SLC24A2: variants seen among roughly 807,000 people sequenced by gnomAD.
SLC24A2 encodes the protein sodium/potassium/calcium exchanger 2.
SLC24A2 carries 36 observed loss-of-function variants against 62.0 expected under a neutral mutation model. That is an observed-to-expected ratio of 0.58 (90% CI 0.44 to 0.77). SLC24A2 has a LOEUF of 0.77. Ranked by LOEUF, SLC24A2 falls within the 30% of genes least tolerant of loss-of-function variation. The pLI, the probability that SLC24A2 is intolerant of heterozygous loss-of-function variation, is 0.00. For missense variants in SLC24A2, 846 were observed against 817.9 expected, an observed-to-expected ratio of 1.03 and a Z score of -0.42; for synonymous variants, 358 against 294.0, an observed-to-expected ratio of 1.22 and a Z score of -2.23.
the SLC24A2 span, among the ~76,000 whole-genome samples, chr9:20,080,578 T>A: frequency 1.4e-4 from 21 of 152,016 alleles, 1 homozygote; most frequent in African/African-American, 1.9e-4. Flanking sequence ...CAAGGACTTC[T>A]TGTCTAAAAC....
chr9:20,039,328 G>A, the SLC24A2 span, among the ~76,000 whole-genome samples: 14 of 152,038 alleles, frequency 9.2e-5, no homozygotes, highest in East Asian at 1.9e-4. Flanking sequence ...AGATGAAGAC[G>A]ACCTGGAAGC....
the SLC24A2 span, among the ~76,000 whole-genome samples, chr9:20,104,503 A>C: frequency 6.6e-6 from 1 of 152,254 alleles, no homozygotes; most frequent in African/African-American, 2.4e-5. Context: ...TGGATCTCTC[A>C]GCAGAAACGC....
chr9:19,873,536 C>CTCTTTCTT, the SLC24A2 span, among the ~76,000 whole-genome samples: 24 of 137,128 alleles, frequency 1.8e-4, 1 homozygote, highest in African/African-American at 6.1e-4. Context: ...TCCTTTCTTT[C>CTCTTTCTT]TCTTTCTTTC....
At chr9:19,796,006 C>T in the SLC24A2 span, among the ~76,000 whole-genome samples, 2 of 150,672 alleles carry the variant, frequency 1.3e-5, no homozygotes, top group African/African-American at 4.9e-5. Flanking sequence ...TCATTCTCAG[C>T]AAACTATCGT....
intron 2 of SLC24A2, among the ~76,000 whole-genome samples, chr9:19,668,329 G>C (rs939574874): frequency 1.3e-5 from 2 of 152,176 alleles, no homozygotes; most frequent in African/African-American, 2.4e-5. Context: ...AAGCAACAGA[G>C]TCAGGATTCA....
chr9:19,753,082 T>G (rs1175443369), intron 2 of SLC24A2, among the ~76,000 whole-genome samples: 1 of 152,206 alleles, frequency 6.6e-6, no homozygotes, highest in Non-Finnish European at 1.5e-5. Flanking sequence ...ATCCACATTT[T>G]ATCATATTCC....
At chr9:20,143,538 C>T in the SLC24A2 span, among the ~76,000 whole-genome samples, 1 of 152,156 alleles carries the variant, frequency 6.6e-6, no homozygotes, top group African/African-American at 2.4e-5. Flanking sequence ...AAACTATAAG[C>T]TTCCATTGGA....
At chr9:19,638,007 T>A (rs528807587) in intron 2 of SLC24A2, among the ~76,000 whole-genome samples, 86 of 152,374 alleles carry the variant, frequency 5.6e-4, no homozygotes, top group African/African-American at 1.9e-3. Flanking sequence ...AGCATTCAAA[T>A]TACTTGACTT....
the SLC24A2 span, among the ~76,000 whole-genome samples, chr9:20,125,601 G>A: frequency 6.6e-6 from 1 of 152,136 alleles, no homozygotes; most frequent in Non-Finnish European, 1.5e-5. Flanking sequence ...TAGGTAATGT[G>A]TCCCCTCATT....
intron 2 of SLC24A2, among the ~76,000 whole-genome samples, chr9:19,737,261 T>C (rs1162823284): frequency 2.6e-5 from 4 of 152,244 alleles, no homozygotes; most frequent in Non-Finnish European, 5.9e-5. Flanking sequence ...TGTCAAAATA[T>C]ATTTTCTTCT....
the SLC24A2 span, among the ~76,000 whole-genome samples, chr9:20,164,485 C>T: frequency 1.3e-5 from 2 of 151,712 alleles, no homozygotes; most frequent in Non-Finnish European, 1.5e-5. Flanking sequence ...CAGGAAACAA[C>T]AGGTGCTGGA....
chr9:20,025,588 C>T, the SLC24A2 span, among the ~76,000 whole-genome samples: 469 of 152,254 alleles, frequency 3.1e-3, 2 homozygotes, highest in African/African-American at 9.7e-3. Flanking sequence ...TCAGTTACCA[C>T]GTACCAGCTA....
the SLC24A2 span, among the ~76,000 whole-genome samples, chr9:19,857,444 A>C: frequency 1.3e-5 from 2 of 152,186 alleles, no homozygotes; most frequent in African/African-American, 4.8e-5. Flanking sequence ...ACATCTTTTG[A>C]GGGCCATTAT....
At chr9:19,620,768 G>A (rs965328566) in intron 3 of SLC24A2, among the ~76,000 whole-genome samples, 109 of 152,312 alleles carry the variant, frequency 7.2e-4, no homozygotes, top group Non-Finnish European at 1.2e-4. Flanking sequence ...GAAAGGTATC[G>A]TAATGTAAGG....
the SLC24A2 span, among the ~76,000 whole-genome samples, chr9:19,837,675 T>A: frequency 5.3e-5 from 8 of 151,996 alleles, no homozygotes; most frequent in Non-Finnish European, 1.5e-5. Context: ...AACCCCATCG[T>A]CTCAGCCAAA....
At chr9:19,822,673 C>T in the SLC24A2 span, among the ~76,000 whole-genome samples, 1 of 152,114 alleles carries the variant, frequency 6.6e-6, no homozygotes, top group African/African-American at 2.4e-5. Flanking sequence ...GCCCACTTTG[C>T]AATGTCTCTG....
At chr9:19,726,811 T>A (rs1821185729) in intron 2 of SLC24A2, among the ~76,000 whole-genome samples, 1 of 152,190 alleles carries the variant, frequency 6.6e-6, no homozygotes, top group African/African-American at 2.4e-5. Flanking sequence ...CAAGGCATAT[T>A]CAACGTGATA....
rs1305600408 is a variant in SLC24A2 at position 19,513,997 on chromosome 9, A to G, written c.*2156T>C. Reference sequence around the variant, plus strand: ...TTGGATGGTGTTTCAATGTCTTGGAAGGCATTGTCCCACATCTGAAGACCC... The same window carrying G: ...TTGGATGGTGTTTCAATGTCTTGGAGGGCATTGTCCCACATCTGAAGACCC... On this transcript the variant is annotated 3_prime_UTR_variant, in exon 11 of 11. Transcript: ENST00000341998. 1 of 152,174 alleles carries G rather than the reference A, an allele frequency of 6.6e-6. No homozygotes were observed. The highest frequency in any genetic ancestry group is 1.5e-5 in the Non-Finnish European group (1 of 68,038). 9.4% of individuals were successfully genotyped at this position (152,174 alleles called of 1,614,324 possible).
At chr9:20,157,977 G>A in the SLC24A2 span, among the ~76,000 whole-genome samples, 229 of 151,668 alleles carry the variant, frequency 1.5e-3, 2 homozygotes, top group South Asian at 0.021. Context: ...AAACAAAAAT[G>A]TGAGTTTCAG....
Sources: gnomAD v4.1 joint callset for allele counts (sites outside exome capture counted in the v4.1 genomes callset) on GRCh38, gnomAD v4.1.1 for gene constraint, MANE v1.5 for transcripts, NCBI Gene and HGNC (gene_info 2026-07-23, HGNC 2026-07-21) for gene names.